The following ADARB2 variants were observed in gnomAD, a reference collection of about 807,000 sequenced individuals.
The protein encoded by ADARB2 is adenosine deaminase RNA specific B2 (inactive).
In ADARB2, 25 loss-of-function variants were observed where a neutral mutation model predicts 62.2. The observed-to-expected ratio is 0.40, with a 90% CI of 0.29 to 0.56. The LOEUF (loss-of-function observed/expected upper bound fraction) is 0.56. Among genes scored for constraint, ADARB2 ranks in the 20% least tolerant of loss-of-function variants. The pLI is 0.43. For missense variants in ADARB2, 1,071 were observed against 1,077.4 expected (o/e 0.99, Z 0.08); for synonymous variants, 572 against 500.8 (o/e 1.14, Z -1.90).
chr10:1,229,618 T>C (rs1830778716), intron 6 of ADARB2, among the ~76,000 whole-genome samples: 1 of 40,580 alleles, frequency 2.5e-5, no homozygotes, highest in African/African-American at 1.1e-4. Context: ...CATAGTTATA[T>C]TGATAGATCT....
intron 1 of ADARB2, among the ~76,000 whole-genome samples, chr10:1,560,761 G>C (rs1266721434): frequency 6.6e-6 from 1 of 152,218 alleles, no homozygotes; most frequent in African/African-American, 2.4e-5. Flanking sequence ...CAGCCTCCCA[G>C]GGACTTGTGG....
chr10:1,662,824 C>G (rs920379297), intron 1 of ADARB2, among the ~76,000 whole-genome samples: 1 of 152,224 alleles, frequency 6.6e-6, no homozygotes, highest in South Asian at 2.1e-4. Flanking sequence ...CGTCTCCCAG[C>G]AGTGCCCCTC....
intron 1 of ADARB2, among the ~76,000 whole-genome samples, chr10:1,505,382 G>GTTT (rs202238668): frequency 9.0e-4 from 125 of 138,634 alleles, no homozygotes; most frequent in African/African-American, 3.0e-3. Flanking sequence ...GAGGGTTTTT[G>GTTT]TTTTTTTTTT....
intron 6 of ADARB2, among the ~76,000 whole-genome samples, chr10:1,232,165 A>AGC (rs1376710801): frequency 6.6e-6 from 1 of 151,788 alleles, no homozygotes; most frequent in Non-Finnish European, 1.5e-5. Context: ...CCACACACAT[A>AGC]GCACACACAC....
intron 1 of ADARB2, among the ~76,000 whole-genome samples, chr10:1,679,547 T>C (rs1377360380): frequency 6.6e-6 from 1 of 152,170 alleles, no homozygotes; most frequent in Non-Finnish European, 1.5e-5. Flanking sequence ...TTGGTGCAAC[T>C]CCTGGGCCCT....
chr10:1,209,681 A>ACCCACACCATCACCCATG (rs1038909688), intron 7 of ADARB2, among the ~76,000 whole-genome samples: 7 of 138,674 alleles, frequency 5.0e-5, no homozygotes, highest in African/African-American at 1.9e-4. Context: ...TCACATCCAC[A>ACCCACACCATCACCCATG]CCCACACCAT....
At chr10:1,705,676 C>T (rs554305273) in intron 1 of ADARB2, among the ~76,000 whole-genome samples, 5 of 152,312 alleles carry the variant, frequency 3.3e-5, no homozygotes, top group African/African-American at 1.2e-4. Flanking sequence ...CCATCATTCA[C>T]CATCAGATGA....
chr10:1,326,587 T>C (rs1831848448), intron 3 of ADARB2, among the ~76,000 whole-genome samples: 1 of 152,162 alleles, frequency 6.6e-6, no homozygotes, highest in South Asian at 2.1e-4. Context: ...TTGACTATTT[T>C]TATAAAAGCC....
chr10:1,285,474 G>C (rs1589177941), intron 3 of ADARB2, among the ~76,000 whole-genome samples: 1 of 152,328 alleles, frequency 6.6e-6, no homozygotes, highest in East Asian at 1.9e-4. Context: ...GCACAAATGG[G>C]CACCGGCTGC....
At chr10:1,620,703 T>C (rs1833694552) in intron 1 of ADARB2, among the ~76,000 whole-genome samples, 1 of 152,194 alleles carries the variant, frequency 6.6e-6, no homozygotes, top group African/African-American at 2.4e-5. Context: ...AATATGGATG[T>C]GAAACTATTA....
intron 1 of ADARB2, among the ~76,000 whole-genome samples, chr10:1,568,849 C>T (rs1832895688): frequency 8.7e-6 from 1 of 115,384 alleles, no homozygotes; most frequent in African/African-American, 3.2e-5. Context: ...TATCTATGAG[C>T]TAAATGGACA....
intron 1 of ADARB2, among the ~76,000 whole-genome samples, chr10:1,525,017 G>A (rs1450657143): frequency 6.6e-6 from 1 of 152,094 alleles, no homozygotes; most frequent in East Asian, 1.9e-4. Context: ...ATTTAAGTAA[G>A]CATCCTTGCT....
intron 1 of ADARB2, among the ~76,000 whole-genome samples, chr10:1,493,757 TTTTTTTTTTTTTTTTTTTTGA>T: frequency 1.3e-5 from 1 of 76,686 alleles, no homozygotes; most frequent in African/African-American, 4.6e-5. Flanking sequence ...TTTTTTTTTT[TTTTTTTTTTTTTTTTTTTTGA>T]GATAGGGTCT....
intron 1 of ADARB2, among the ~76,000 whole-genome samples, chr10:1,488,040 G>T (rs1414742596): frequency 6.6e-6 from 1 of 152,108 alleles, no homozygotes; most frequent in Non-Finnish European, 1.5e-5. Flanking sequence ...TTTCCAAGAA[G>T]GTCATCTACA....
intron 4 of ADARB2, among the ~76,000 whole-genome samples, chr10:1,254,332 C>T (rs1831062295): frequency 6.6e-6 from 1 of 152,306 alleles, no homozygotes; most frequent in South Asian, 2.1e-4. Flanking sequence ...ACCTTCTTCC[C>T]AGGTACTCCT....
chr10:1,639,764 C>A (rs373353990), intron 1 of ADARB2, among the ~76,000 whole-genome samples: 1 of 152,150 alleles, frequency 6.6e-6, no homozygotes, highest in East Asian at 1.9e-4. Context: ...ATCACTTGAA[C>A]CCAGGAGGCG....
intron 1 of ADARB2, among the ~76,000 whole-genome samples, chr10:1,642,180 C>T (rs1833986417): frequency 6.6e-6 from 1 of 152,152 alleles, no homozygotes; most frequent in South Asian, 2.1e-4. Flanking sequence ...GAAATCAAAA[C>T]CAGAACTTGT....
chr10:1,307,795 T>C (rs1236453907), intron 3 of ADARB2, among the ~76,000 whole-genome samples: 4 of 105,446 alleles, frequency 3.8e-5, no homozygotes, highest in African/African-American at 6.6e-5. Flanking sequence ...ATGGATGAAA[T>C]TGGAAATCAT....
intron 3 of ADARB2, among the ~76,000 whole-genome samples, chr10:1,301,001 C>G (rs553985740): frequency 6.6e-6 from 1 of 152,262 alleles, no homozygotes; most frequent in East Asian, 1.9e-4. Context: ...CACTCTATTG[C>G]CGGACCGTGG....
Sources: allele counts gnomAD v4.1 joint callset (sites outside exome capture counted in the v4.1 genomes callset), GRCh38; gene constraint gnomAD v4.1.1; transcripts MANE v1.5; gene names NCBI Gene and HGNC (gene_info 2026-07-23, HGNC 2026-07-21).